Variants in SH3D19 observed in about 807,000 individuals in gnomAD.
SH3D19 encodes the protein SH3 domain containing 19.
In SH3D19, 58 loss-of-function variants were observed where a neutral mutation model predicts 112.1. The ratio of observed to expected loss-of-function variants is 0.52; its 90% CI spans 0.42 to 0.64. The LOEUF (loss-of-function observed/expected upper bound fraction) is 0.64. Among genes scored for constraint, SH3D19 ranks in the 30% least tolerant of loss-of-function variants. The pLI is 0.00. For synonymous variants in SH3D19, 391 were observed against 448.5 expected (o/e 0.87, Z 1.62); for missense variants, 1,090 against 1,263.4 (o/e 0.86, Z 2.08).
chr4:151,290,438 A>C (rs2150018312), intron 1 of SH3D19, among the ~76,000 whole-genome samples: 1 of 152,312 alleles, frequency 6.6e-6, no homozygotes, highest in South Asian at 2.1e-4. Context: ...CCAGACACAA[A>C]AGGTCAGATA....
intron 1 of SH3D19, among the ~76,000 whole-genome samples, chr4:151,298,709 C>T (rs544657055): frequency 6.6e-6 from 1 of 152,300 alleles, no homozygotes; most frequent in Admixed American, 6.5e-5. Context: ...CAAGAAAGCA[C>T]TCATGCACAT....
intron 1 of SH3D19, among the ~76,000 whole-genome samples, chr4:151,259,814 G>C (rs565107003): frequency 5.9e-5 from 9 of 152,240 alleles, no homozygotes; most frequent in African/African-American, 1.4e-4. Flanking sequence ...CAGACTTCAG[G>C]CTTCTTCAAA....
At chr4:151,174,523 C>T (rs1759597624) in intron 7 of SH3D19, 147 bp downstream of exon 7, 1 of 634,214 alleles carries the variant, frequency 1.6e-6, no homozygotes. Context: ...CTGTTCATTC[C>T]TCTGTTTCTA....
intron 1 of SH3D19, among the ~76,000 whole-genome samples, chr4:151,238,004 C>T (rs1770262052): frequency 6.6e-6 from 1 of 152,082 alleles, no homozygotes; most frequent in African/African-American, 2.4e-5. Context: ...CATTTTCCCA[C>T]TGTAGCCTCT....
At chr4:151,258,702 T>C (rs1772133509) in intron 1 of SH3D19, among the ~76,000 whole-genome samples, 1 of 152,176 alleles carries the variant, frequency 6.6e-6, no homozygotes, top group African/African-American at 2.4e-5. Flanking sequence ...GCTGCACTTC[T>C]GAAGTCTGGT....
chr4:151,168,341 A>G (rs1758458624), intron 7 of SH3D19, among the ~76,000 whole-genome samples: 1 of 152,044 alleles, frequency 6.6e-6, no homozygotes, highest in Non-Finnish European at 1.5e-5. Flanking sequence ...TGGATTTTAC[A>G]TATTTGAATA....
chr4:151,269,366 C>T (rs892316521), intron 1 of SH3D19, among the ~76,000 whole-genome samples: 5 of 151,902 alleles, frequency 3.3e-5, no homozygotes, highest in African/African-American at 4.8e-5. Flanking sequence ...GAGTAGGTTG[C>T]GAAAATTTTC....
intron 1 of SH3D19, chr4:151,227,735 C>T (rs1418254729): frequency 5.1e-6 from 5 of 984,932 alleles, no homozygotes; most frequent in Admixed American, 6.2e-5. Flanking sequence ...TAGCTATCCT[C>T]ATATAACAAA....
At chr4:151,124,028 T>C (rs1324661259) in intron 19 of SH3D19, among the ~76,000 whole-genome samples, 1 of 152,194 alleles carries the variant, frequency 6.6e-6, no homozygotes. Context: ...GTTCCTAAAT[T>C]ATAATTTAAT....
chr4:151,255,604 T>G (rs1444209581), intron 1 of SH3D19, among the ~76,000 whole-genome samples: 7 of 151,698 alleles, frequency 4.6e-5, no homozygotes, highest in African/African-American at 1.7e-4. Context: ...GCAGAGACGC[T>G]CCTCACTTCC....
intron 1 of SH3D19, among the ~76,000 whole-genome samples, chr4:151,234,417 GA>G (rs1392987028): frequency 5.3e-5 from 8 of 152,094 alleles, no homozygotes; most frequent in Non-Finnish European, 7.4e-5. Context: ...GAGACTTTAG[GA>G]AAATGAACAT....
chr4:151,260,834 AATGCTTTT>A (rs1336450976), intron 1 of SH3D19, among the ~76,000 whole-genome samples: 1 of 152,132 alleles, frequency 6.6e-6, no homozygotes. Flanking sequence ...CCCTGTCTGG[AATGCTTTT>A]ATCGATCTTA....
At chr4:151,157,940 G>T (rs1756421804) in intron 9 of SH3D19, among the ~76,000 whole-genome samples, 1 of 152,256 alleles carries the variant, frequency 6.6e-6, no homozygotes, top group African/African-American at 2.4e-5. Context: ...GGCTGGGAAG[G>T]GTAGAAAGAA....
At position 151,214,498 on chromosome 4, in the gene SH3D19, C is replaced by A. The variant is rs1369545016; in HGVS notation, c.152+11549G>T. On this transcript the variant is annotated intron_variant, in intron 2 of 19. Transcript: ENST00000604030. ...CTCCCTCCCGGACGGGGCGGCTGGCCGGGCAGAGGGGCTCCTCACTTCCCA... is the reference window on the plus strand; with the variant it reads ...CTCCCTCCCGGACGGGGCGGCTGGCAGGGCAGAGGGGCTCCTCACTTCCCA... Among the ~76,000 whole-genome samples, 5 of 127,614 alleles carry A rather than the reference C, an allele frequency of 3.9e-5. 1 individual carries two copies. In the East Asian group the frequency reaches 1.1e-3, roughly 27 times the overall value. 83.7% of individuals were successfully genotyped at this position (127,614 alleles called of 152,430 possible). A position where few individuals can be genotyped will look rare whatever the true frequency, so the allele number is the denominator to read the frequency against.
chr4:151,228,246 T>C (rs762321856), intron 1 of SH3D19, among the ~76,000 whole-genome samples: 2 of 152,196 alleles, frequency 1.3e-5, no homozygotes, highest in Non-Finnish European at 1.5e-5. Flanking sequence ...TGTGTAAATA[T>C]AGATACGCAG....
intron 1 of SH3D19, among the ~76,000 whole-genome samples, chr4:151,298,393 G>A: frequency 6.6e-6 from 1 of 151,916 alleles, no homozygotes; most frequent in Non-Finnish European, 1.5e-5. Flanking sequence ...GGCTAGGATG[G>A]TCTCAATCTC....
chr4:151,291,020 T>G, intron 1 of SH3D19: 1 of 854,032 alleles, frequency 1.2e-6, no homozygotes, highest in Non-Finnish European at 1.8e-6. Context: ...GCTCCATGGG[T>G]CTCATGGCCC....
intron 1 of SH3D19, among the ~76,000 whole-genome samples, chr4:151,272,399 G>C (rs1773291386): frequency 1.3e-5 from 2 of 152,248 alleles, no homozygotes; most frequent in Non-Finnish European, 1.5e-5. Context: ...TCTCCAAAAT[G>C]ATACATCATT....
chr4:151,193,365 C>G (rs1021507600), intron 2 of SH3D19, among the ~76,000 whole-genome samples: 1 of 151,852 alleles, frequency 6.6e-6, no homozygotes, highest in Non-Finnish European at 1.5e-5. Flanking sequence ...CCAGGTTGAC[C>G]TTATTTAGAG....
Sources: allele counts gnomAD v4.1 joint callset (sites outside exome capture counted in the v4.1 genomes callset), GRCh38; gene constraint gnomAD v4.1.1; transcripts MANE v1.5; gene names NCBI Gene and HGNC (gene_info 2026-07-23, HGNC 2026-07-21).